The following OR52N4 variants were observed in gnomAD, a reference collection of about 807,000 sequenced individuals.
OR52N4 encodes the protein olfactory receptor family 52 subfamily N member 4, also known as olfactory receptor 52N4.
OR52N4 carries 15 observed loss-of-function variants against 15.0 expected under a neutral mutation model. The observed-to-expected ratio is 1.00, with a 90% CI of 0.67 to 1.54. OR52N4 has a LOEUF of 1.54. OR52N4 is among the 40% of genes most tolerant of loss of function. The probability of loss-of-function intolerance (pLI) is 0.00; values close to 1 mark genes in which losing one functional copy is unlikely to be tolerated. For missense variants in OR52N4, 421 were observed against 394.0 expected (o/e 1.07, Z -0.58); for synonymous variants, 143 against 143.7 (o/e 1.00, Z 0.03).
chr11:5,743,530 G>A, the OR52N4 span, among the ~76,000 whole-genome samples: 1 of 152,084 alleles, frequency 6.6e-6, no homozygotes, highest in Non-Finnish European at 1.5e-5. Flanking sequence ...ATAATATCAA[G>A]CATATTCTTA....
At position 5,755,662 on chromosome 11, in the gene OR52N4, A is replaced by C; in HGVS notation, c.922A>C (p.Arg308=). ...CAAACAGATACGAGACTGTGTCATA[A>C]GGATCCTTTCAGGTTCTAAGGATAC... ...KTKQIRDCVI[R]ILSGSKDTKS... is the part of the protein sequence containing the mutation. Residue 308 remains arginine, a synonymous_variant, in exon 2 of 2, where the codon AGG becomes CGG. Coordinates refer to ENST00000641350, the MANE Select transcript of OR52N4 (RefSeq NM_001005175.5). 6.2e-7 allele frequency: 1 copy of C among 1,613,760 alleles called. No individual in the cohort carries two copies. Among genetic ancestry groups the C allele is most frequent in the Non-Finnish European group, 8.5e-7 (1 of 1,179,752 alleles).
At position 5,755,822 on chromosome 11, in the gene OR52N4, T is replaced by G; in HGVS notation, c.*116T>G. 2 of 1,249,756 alleles carry G rather than the reference T, an allele frequency of 1.6e-6. No individual in the cohort carries two copies. Among genetic ancestry groups the G allele is most frequent in the Non-Finnish European group, 2.2e-6 (2 of 917,034 alleles). The allele number at this position is 1,249,756 out of a possible 1,614,324, so 77.4% of individuals were successfully genotyped here. ...GTATTGATCACAAAATGGAGTTTGT[T>G]AACTGGTGCATTCTCAATAAGTACC... On this transcript the variant is annotated 3_prime_UTR_variant, in exon 2 of 2. Coordinates refer to ENST00000641350, the MANE Select transcript of OR52N4 (RefSeq NM_001005175.5).
At chr11:5,734,668 A>C in the OR52N4 span, among the ~76,000 whole-genome samples, 1 of 152,158 alleles carries the variant, frequency 6.6e-6, no homozygotes, top group South Asian at 2.1e-4. Context: ...TCAAAGATAA[A>C]ATGTTATGTG....
chr11:5,742,489 C>T, the OR52N4 span, among the ~76,000 whole-genome samples: 1 of 152,102 alleles, frequency 6.6e-6, no homozygotes, highest in Non-Finnish European at 1.5e-5. Flanking sequence ...ATCAAAACAC[C>T]TATAAAATAA....
At chr11:5,750,105 T>C (rs1854159104), upstream of OR52N4, among the ~76,000 whole-genome samples, 1 of 151,962 alleles carries the variant, frequency 6.6e-6, no homozygotes, top group African/African-American at 2.4e-5. Flanking sequence ...TAGGAAATAC[T>C]AATAAAATAT....
At chr11:5,729,617 A>G in the OR52N4 span, among the ~76,000 whole-genome samples, 2 of 152,198 alleles carry the variant, frequency 1.3e-5, no homozygotes, top group Admixed American at 6.5e-5. Flanking sequence ...TAAGCAATAT[A>G]CTTATAAGCA....
chr11:5,752,245 G>C (rs759033324), upstream of OR52N4, among the ~76,000 whole-genome samples: 3 of 152,132 alleles, frequency 2.0e-5, no homozygotes, highest in Non-Finnish European at 4.4e-5. Context: ...CTGACATTTT[G>C]TAATGACTTG....
chr11:5,751,249 T>A (rs1345726462), upstream of OR52N4, among the ~76,000 whole-genome samples: 1 of 152,172 alleles, frequency 6.6e-6, no homozygotes, highest in East Asian at 1.9e-4. Context: ...TGATGAAATC[T>A]TATACTGCAT....
At chr11:5,731,817 T>C in the OR52N4 span, among the ~76,000 whole-genome samples, 6 of 152,296 alleles carry the variant, frequency 3.9e-5, no homozygotes, top group Admixed American at 6.5e-5. Flanking sequence ...CTCTACCAAA[T>C]AGTTCATACC....
At chr11:5,740,990 G>A in the OR52N4 span, among the ~76,000 whole-genome samples, 1 of 127,050 alleles carries the variant, frequency 7.9e-6, no homozygotes, top group Non-Finnish European at 1.7e-5. Flanking sequence ...GGATGACCTT[G>A]AAGATGTATT....
the OR52N4 span, among the ~76,000 whole-genome samples, chr11:5,730,041 T>G: frequency 6.6e-6 from 1 of 151,798 alleles, no homozygotes; most frequent in Non-Finnish European, 1.5e-5. Flanking sequence ...CCTTAGTGAT[T>G]TTTTTTAAAT....
chr11:5,744,539 GGTAGTTCAACAAATGCAAAA>G, the OR52N4 span, among the ~76,000 whole-genome samples: 1 of 152,204 alleles, frequency 6.6e-6, no homozygotes, highest in Admixed American at 6.5e-5. Flanking sequence ...GTGGTGCAAA[GGTAGTTCAACAAATGCAAAA>G]GTGGTTCAAC....
At chr11:5,736,745 A>T in the OR52N4 span, 11 of 1,614,004 alleles carry the variant, frequency 6.8e-6, no homozygotes, top group Non-Finnish European at 9.3e-6. Context: ...CATCCTCTGT[A>T]TGGTAGACAT....
At chr11:5,750,356 T>C (rs534618530), upstream of OR52N4, among the ~76,000 whole-genome samples, 6 of 152,066 alleles carry the variant, frequency 3.9e-5, no homozygotes, top group African/African-American at 1.4e-4. Context: ...CATTAAGACA[T>C]TAAAAATAGC....
At position 5,755,138 on chromosome 11, in the gene OR52N4, G is replaced by A. The variant is rs202069164; in HGVS notation, c.398G>A (p.Arg133His). 1.9e-4 allele frequency: 302 copies of A among 1,613,978 alleles called. 1 individual carries two copies. In the Middle Eastern group the frequency reaches 5.9e-3, roughly 32 times the overall value. Residue 133 changes from arginine (R) to histidine (H), a missense_variant, in exon 2 of 2, where the codon CGC (arginine) becomes CAC (histidine). By Grantham distance (29) the Arg-to-His change is conservative. Transcript: ENST00000641350. ...DRYVAICYPL[R>H]YSTILTNPVI... ...TATGTGGCCATCTGCTACCCCTTACGCTATTCAACTATCCTCACCAATCCT... is the reference window on the plus strand; with the variant it reads ...TATGTGGCCATCTGCTACCCCTTACACTATTCAACTATCCTCACCAATCCT...
Position 5,755,893 on chromosome 11 carries a change from A to G in OR52N4, c.*187A>G, listed in dbSNP as rs1854308271. The G allele has an allele frequency of 1.5e-6, 1 of 667,746 alleles. No homozygotes were observed. The highest frequency in any genetic ancestry group is 2.4e-6 in the Non-Finnish European group (1 of 410,742). The allele number at this position is 667,746 out of a possible 1,614,324, so 41.4% of individuals were successfully genotyped here. A position where few individuals can be genotyped will look rare whatever the true frequency, so the allele number is the denominator to read the frequency against. On this transcript the variant is annotated 3_prime_UTR_variant, in exon 2 of 2. Coordinates refer to ENST00000641350, the MANE Select transcript of OR52N4 (RefSeq NM_001005175.5). ...GGAAGGCCCACCAACATTTCTATAA[A>G]TTTTTTACCTTCTCACTCATGTGAA...
the OR52N4 span, among the ~76,000 whole-genome samples, chr11:5,734,788 C>T: frequency 6.6e-6 from 1 of 152,026 alleles, no homozygotes; most frequent in African/African-American, 2.4e-5. Context: ...GTGTTGAACC[C>T]CTTCAGAATT....
At chr11:5,742,142 G>A in the OR52N4 span, among the ~76,000 whole-genome samples, 1 of 150,988 alleles carries the variant, frequency 6.6e-6, no homozygotes, top group Non-Finnish European at 1.5e-5. Flanking sequence ...AAAAGAAAGA[G>A]AGGAAGAAAG....
At chr11:5,749,237 A>G in the OR52N4 span, among the ~76,000 whole-genome samples, 1 of 152,078 alleles carries the variant, frequency 6.6e-6, no homozygotes, top group African/African-American at 2.4e-5. Flanking sequence ...TATGCAAAAG[A>G]GGGGATAGTG....
Sources: gnomAD v4.1 joint callset for allele counts (sites outside exome capture counted in the v4.1 genomes callset) on GRCh38, gnomAD v4.1.1 for gene constraint, MANE v1.5 for transcripts, NCBI Gene and HGNC (gene_info 2026-07-23, HGNC 2026-07-21) for gene names.